LCLAT1: variants seen among roughly 807,000 people sequenced by gnomAD.
LCLAT1 encodes 1-AGP acyltransferase 8.
A neutral mutation model predicts 30.7 loss-of-function variants in LCLAT1; 11 were observed. The ratio of observed to expected loss-of-function variants is 0.36; its 90% CI spans 0.23 to 0.59. The LOEUF is 0.59. LCLAT1 is among the 20% of genes least tolerant of loss of function. The pLI, the probability that LCLAT1 is intolerant of heterozygous loss-of-function variation, is 0.77. For synonymous variants in LCLAT1, 155 were observed against 151.3 expected (o/e 1.02, Z -0.18); for missense variants, 402 against 458.6 (o/e 0.88, Z 1.13).
intron 2 of LCLAT1, among the ~76,000 whole-genome samples, chr2:30,527,304 G>C (rs1039989292): frequency 3.3e-5 from 5 of 152,178 alleles, no homozygotes; most frequent in Admixed American, 3.3e-4. Context: ...TCTGGATTCA[G>C]AATTGTATAT....
intron 2 of LCLAT1, among the ~76,000 whole-genome samples, chr2:30,530,010 C>A (rs1572577911): frequency 6.6e-6 from 1 of 152,124 alleles, no homozygotes; most frequent in Non-Finnish European, 1.5e-5. Flanking sequence ...CCACTCTCAT[C>A]TTTGTGTTTT....
Position 30,640,892 on chromosome 2 carries a change from G to A in LCLAT1, c.*273G>A. 5.8e-6 allele frequency: 2 copies of A among 344,970 alleles called. No individual in the cohort carries two copies. Among genetic ancestry groups the A allele is most frequent in the East Asian group, 7.1e-5 (1 of 14,070 alleles). The allele number at this position is 344,970 out of a possible 1,614,324, so 21.4% of individuals were successfully genotyped here. On this transcript the variant is annotated 3_prime_UTR_variant, in exon 6 of 6. Transcript: ENST00000379509. ...TTATTAAACAATCATCAGGCTTTTA[G>A]CGACAAGGAACACACACATTTTTCT...
intron 3 of LCLAT1, among the ~76,000 whole-genome samples, chr2:30,534,130 C>T (rs72856700): frequency 0.014 from 2,089 of 151,802 alleles, 36 homozygotes; most frequent in African/African-American, 0.047. Flanking sequence ...AGTATACTGA[C>T]GTGGTTTATG....
At chr2:30,553,499 A>C (rs1440756456) in intron 3 of LCLAT1, among the ~76,000 whole-genome samples, 1 of 152,246 alleles carries the variant, frequency 6.6e-6, no homozygotes, top group Non-Finnish European at 1.5e-5. Context: ...TAAAGACAGA[A>C]TATCCTGCAG....
intron 5 of LCLAT1, among the ~76,000 whole-genome samples, chr2:30,575,663 A>G (rs1279287063): frequency 1.3e-5 from 2 of 152,088 alleles, no homozygotes; most frequent in Non-Finnish European, 2.9e-5. Flanking sequence ...TTTCTAGATT[A>G]TGTATACTAC....
intron 4 of LCLAT1, among the ~76,000 whole-genome samples, chr2:30,562,530 A>G (rs1005962433): frequency 6.6e-6 from 1 of 152,040 alleles, no homozygotes; most frequent in Non-Finnish European, 1.5e-5. Flanking sequence ...AACAAAACAG[A>G]AAAATTAATG....
intron 3 of LCLAT1, among the ~76,000 whole-genome samples, chr2:30,560,018 G>T (rs1405436190): frequency 6.6e-6 from 1 of 152,098 alleles, no homozygotes; most frequent in Non-Finnish European, 1.5e-5. Flanking sequence ...TGAACAGCTG[G>T]CTTGTAGTGG....
At chr2:30,562,002 A>G (rs1349484885) in intron 3 of LCLAT1, 144 bp from the exon 4 acceptor site, 1 of 455,038 alleles carries the variant, frequency 2.2e-6, no homozygotes, top group Non-Finnish European at 3.7e-6. Flanking sequence ...ACCCAAGATC[A>G]GTGCTGAATT....
intron 5 of LCLAT1, among the ~76,000 whole-genome samples, chr2:30,590,562 G>A (rs1002614445): frequency 2.0e-5 from 3 of 149,104 alleles, no homozygotes; most frequent in African/African-American, 7.3e-5. Context: ...TATATTCTGG[G>A]AGTGATGAGG....
At chr2:30,451,314 G>T (rs1558444822) in intron 1 of LCLAT1, among the ~76,000 whole-genome samples, 1 of 152,188 alleles carries the variant, frequency 6.6e-6, no homozygotes, top group Non-Finnish European at 1.5e-5. Context: ...CTTACATATT[G>T]TTGGTGGGGA....
At chr2:30,551,248 C>T (rs374361775) in intron 3 of LCLAT1, among the ~76,000 whole-genome samples, 1 of 152,216 alleles carries the variant, frequency 6.6e-6, no homozygotes, top group Non-Finnish European at 1.5e-5. Context: ...CTCACGCCAA[C>T]CTCCTGCCTT....
chr2:30,527,932 G>T (rs1685797901), intron 2 of LCLAT1, among the ~76,000 whole-genome samples: 1 of 152,110 alleles, frequency 6.6e-6, no homozygotes, highest in Non-Finnish European at 1.5e-5. Flanking sequence ...TGACTTACAG[G>T]TCCAGGCTGG....
intron 1 of LCLAT1, among the ~76,000 whole-genome samples, chr2:30,507,198 A>T (rs1417983183): frequency 6.7e-6 from 1 of 149,724 alleles, no homozygotes; most frequent in Non-Finnish European, 1.5e-5. Context: ...TGGAAAAATT[A>T]TAAAGTTGTC....
intron 4 of LCLAT1, among the ~76,000 whole-genome samples, chr2:30,565,214 C>T (rs772880926): frequency 3.3e-5 from 5 of 152,072 alleles, no homozygotes; most frequent in African/African-American, 4.8e-5. Flanking sequence ...TTTGGTAAGT[C>T]CACGATCTGT....
At chr2:30,599,181 C>CATGT (rs1262300434) in intron 5 of LCLAT1, among the ~76,000 whole-genome samples, 1 of 152,004 alleles carries the variant, frequency 6.6e-6, no homozygotes, top group Non-Finnish European at 1.5e-5. Context: ...GGGGTTTCAC[C>CATGT]ATGTTCGCCA....
chr2:30,530,770 C>A (rs1385123576), intron 2 of LCLAT1, among the ~76,000 whole-genome samples: 2 of 152,126 alleles, frequency 1.3e-5, no homozygotes. Context: ...TTTCAAACTC[C>A]TGGCTTCAAG....
chr2:30,542,579 G>C (rs556509059), intron 3 of LCLAT1, among the ~76,000 whole-genome samples: 1 of 151,980 alleles, frequency 6.6e-6, no homozygotes, highest in Admixed American at 6.5e-5. Flanking sequence ...AACTATTTGA[G>C]TATTTTTCCT....
chr2:30,568,505 C>CT (rs35285466), intron 5 of LCLAT1, among the ~76,000 whole-genome samples: 1,412 of 85,338 alleles, frequency 0.017, 21 homozygotes, highest in African/African-American at 0.042. Context: ...GTCTTTCTTT[C>CT]TTTTTTTTTT....
rs144719473 is a variant in LCLAT1 at position 30,534,114 on chromosome 2, T to C, written c.364+800T>C. ...ACTATGTACCCTCTTAAACCATTCC[T>C]CTATTAGTATACTGACGTGGTTTAT... On this transcript the variant is annotated intron_variant, in intron 3 of 5. Coordinates refer to ENST00000379509, the MANE Select transcript of LCLAT1 (RefSeq NM_001002257.3). Among the ~76,000 whole-genome samples the C allele has an allele frequency of 4.0e-3, 614 of 152,294 alleles. 1 individual carries two copies. Among genetic ancestry groups the C allele is most frequent in the African/African-American group, 0.014 (585 of 41,552 alleles).
Sources: gnomAD v4.1 joint callset for allele counts (sites outside exome capture counted in the v4.1 genomes callset) on GRCh38, gnomAD v4.1.1 for gene constraint, MANE v1.5 for transcripts, NCBI Gene and HGNC (gene_info 2026-07-23, HGNC 2026-07-21) for gene names.